Variants in CYP2C19 observed in about 807,000 individuals in gnomAD.
The protein encoded by CYP2C19 is cytochrome P450 2C19.
In CYP2C19, 59 loss-of-function variants were observed where a neutral mutation model predicts 40.9. The ratio of observed to expected loss-of-function variants is 1.44; its 90% CI spans 1.17 to 1.79. The LOEUF is 1.79. Among genes scored for constraint, CYP2C19 ranks in the 40% most tolerant of loss-of-function variants. CYP2C19 has a pLI of 0.00. For missense variants in CYP2C19, 754 were observed against 596.9 expected (o/e 1.26, Z -2.74); for synonymous variants, 253 against 208.7 (o/e 1.21, Z -1.83).
chr10:94,779,162 C>T (rs1220173219), intron 3 of CYP2C19, among the ~76,000 whole-genome samples: 1 of 151,992 alleles, frequency 6.6e-6, no homozygotes, highest in African/African-American at 2.4e-5. Flanking sequence ...ATACCTAATG[C>T]ATGTGGAGCT....
chr10:94,772,568 C>T (rs1848348726), intron 1 of CYP2C19, among the ~76,000 whole-genome samples: 1 of 152,262 alleles, frequency 6.6e-6, no homozygotes, highest in Non-Finnish European at 1.5e-5. Context: ...GAGTTCTGCT[C>T]ATGGCCACAG....
chr10:94,796,284 G>C (rs886294472), intron 5 of CYP2C19, among the ~76,000 whole-genome samples: 1 of 152,050 alleles, frequency 6.6e-6, no homozygotes. Context: ...TTTTTGTCAG[G>C]CTTGTCAAAG....
At chr10:94,778,430 C>A (rs571321745) in intron 3 of CYP2C19, among the ~76,000 whole-genome samples, 38 of 152,064 alleles carry the variant, frequency 2.5e-4, no homozygotes, top group Non-Finnish European at 2.9e-4. Context: ...GGATCTCCTA[C>A]AAACAACCCC....
intron 1 of CYP2C19, among the ~76,000 whole-genome samples, chr10:94,764,201 C>A (rs1022022179): frequency 5.3e-5 from 8 of 152,100 alleles, no homozygotes; most frequent in African/African-American, 1.9e-4. Context: ...AGAGGGTTGC[C>A]GCTGCTGGCT....
At chr10:94,791,166 T>C (rs563937364) in intron 5 of CYP2C19, among the ~76,000 whole-genome samples, 2 of 152,200 alleles carry the variant, frequency 1.3e-5, no homozygotes, top group Non-Finnish European at 2.9e-5. Flanking sequence ...GAGGTGTTTA[T>C]AGTAATCTCT....
intron 5 of CYP2C19, among the ~76,000 whole-genome samples, chr10:94,794,729 C>T (rs1848658265): frequency 6.6e-6 from 1 of 151,988 alleles, no homozygotes; most frequent in African/African-American, 2.4e-5. Context: ...TATATGAATG[C>T]TTGTGATTTT....
Position 94,762,830 on chromosome 10 carries a change from T to C in CYP2C19, c.125T>C (p.Ile42Thr), listed in dbSNP as rs1848190829. 1 of 1,613,916 alleles carries C rather than the reference T, an allele frequency of 6.2e-7. No individual in the cohort carries two copies. Among genetic ancestry groups the C allele is most frequent in the East Asian group, 2.2e-5 (1 of 44,868 alleles). The stretch of plus-strand genomic sequence containing the variant: ...ACTCCTCTCCCAGTGATTGGAAATA[T>C]CCTACAGATAGATATTAAGGATGTC... Reference protein sequence around the residue: ...GPTPLPVIGNILQIDIKDVSK... With the variant: ...GPTPLPVIGNTLQIDIKDVSK... The change falls in exon 1 of 9, where the codon ATC becomes ACC. Residue 42 changes from isoleucine to threonine, a missense_variant. Transcript: ENST00000371321.
intron 6 of CYP2C19, among the ~76,000 whole-genome samples, chr10:94,830,410 C>T (rs1849314618): frequency 6.6e-6 from 1 of 152,134 alleles, no homozygotes; most frequent in African/African-American, 2.4e-5. Context: ...TGGGAGTGAC[C>T]CGATTTTCCA....
Position 94,842,901 on chromosome 10 carries a change from G to T in CYP2C19, c.1026G>T (p.Arg342Ser). The T allele has an allele frequency of 6.2e-7, 1 of 1,614,166 alleles. No homozygotes were observed. ...GRNRSPCMQD[R>S]GHMPYTDAVV... is the part of the protein sequence containing the mutation. Reference sequence around the variant, plus strand: ...ACCGGAGCCCCTGCATGCAGGACAGGGGCCACATGCCCTACACAGATGCTG... The same window carrying T: ...ACCGGAGCCCCTGCATGCAGGACAGTGGCCACATGCCCTACACAGATGCTG... Residue 342 changes from arginine to serine, a missense_variant, in exon 7 of 9, where the codon AGG becomes AGT. Physicochemically the swap from Arg to Ser is moderately radical, Grantham distance 110. Transcript: ENST00000371321.
At chr10:94,774,816 T>C (rs1848383604) in intron 1 of CYP2C19, 1 of 511,016 alleles carries the variant, frequency 2.0e-6, no homozygotes, top group Non-Finnish European at 3.5e-6. Flanking sequence ...GCTGAATATG[T>C]TGGTGTGAGG....
At chr10:94,851,441 CACAAATAA>C (rs1330750525) in intron 8 of CYP2C19, among the ~76,000 whole-genome samples, 2 of 114,196 alleles carry the variant, frequency 1.8e-5, no homozygotes, top group African/African-American at 3.4e-5. Context: ...CATACCAGCA[CACAAATAA>C]ATAAATAAAT....
Position 94,854,663 on chromosome 10 carries a change from C to A in CYP2C19, c.*1749C>A, listed in dbSNP as rs1849705512. ...TATGCATGTGTGTGTACATTATGTGCATTCACACATAATATATATATGTAT... is the reference window on the plus strand; with the variant it reads ...TATGCATGTGTGTGTACATTATGTGAATTCACACATAATATATATATGTAT... On this transcript the variant is annotated 3_prime_UTR_variant, in exon 9 of 9. Transcript: ENST00000371321. Among the ~76,000 whole-genome samples the A allele has an allele frequency of 6.6e-6, 1 of 151,962 alleles. No homozygotes were observed. Among genetic ancestry groups the A allele is most frequent in the South Asian group, 2.1e-4 (1 of 4,828 alleles).
chr10:94,779,629 C>T (rs1456029507), intron 3 of CYP2C19, among the ~76,000 whole-genome samples: 1 of 137,152 alleles, frequency 7.3e-6, no homozygotes, highest in African/African-American at 2.7e-5. Context: ...TGTGTGATAT[C>T]AGCTCACTGC....
At chr10:94,786,636 C>A (rs1848544277) in intron 5 of CYP2C19, among the ~76,000 whole-genome samples, 1 of 151,972 alleles carries the variant, frequency 6.6e-6, no homozygotes. Flanking sequence ...ATTTCATCAC[C>A]CAGGTAGTGA....
chr10:94,791,165 A>G (rs903078171), intron 5 of CYP2C19, among the ~76,000 whole-genome samples: 3 of 152,050 alleles, frequency 2.0e-5, no homozygotes, highest in South Asian at 2.1e-4. Context: ...AGAGGTGTTT[A>G]TAGTAATCTC....
Position 94,842,883 on chromosome 10 carries a change from C to T in CYP2C19, c.1008C>T (p.Ser336=). ...EIERVIGRNR[S]PCMQDRGHMP... ...AACGTGTCATTGGCAGAAACCGGAG[C>T]CCCTGCATGCAGGACAGGGGCCACA... The change falls in exon 7 of 9, where the codon AGC becomes AGT. Residue 336 remains serine, a synonymous_variant. Transcript: ENST00000371321. 1.2e-6 allele frequency: 2 copies of T among 1,614,122 alleles called. No individual in the cohort carries two copies. The highest frequency in any genetic ancestry group is 1.7e-6 in the Non-Finnish European group (2 of 1,179,974).
At chr10:94,848,669 G>T (rs7072110) in intron 7 of CYP2C19, among the ~76,000 whole-genome samples, 1,851 of 152,236 alleles carry the variant, frequency 0.012, 54 homozygotes, top group African/African-American at 0.043. Flanking sequence ...ACCTTGGGCA[G>T]TATGGCCATT....
At chr10:94,843,477 G>A (rs1849525985) in intron 7 of CYP2C19, among the ~76,000 whole-genome samples, 1 of 152,062 alleles carries the variant, frequency 6.6e-6, no homozygotes, top group Non-Finnish European at 1.5e-5. Flanking sequence ...TGATTTTGTT[G>A]TCATGGCTTG....
At chr10:94,786,851 T>A (rs559219652) in intron 5 of CYP2C19, among the ~76,000 whole-genome samples, 1 of 152,152 alleles carries the variant, frequency 6.6e-6, no homozygotes, top group East Asian at 1.9e-4. Flanking sequence ...TGATTTTTTT[T>A]ATGGCTGCAT....
Sources: gnomAD v4.1 joint callset for allele counts (sites outside exome capture counted in the v4.1 genomes callset) on GRCh38, gnomAD v4.1.1 for gene constraint, MANE v1.5 for transcripts, NCBI Gene and HGNC (gene_info 2026-07-23, HGNC 2026-07-21) for gene names.